HTR2A: variants seen among roughly 807,000 people sequenced by gnomAD.
HTR2A encodes 5-hydroxytryptamine receptor 2A.
Under a neutral mutation model 31.0 loss-of-function variants are expected in HTR2A, and 14 were observed. That is an observed-to-expected ratio of 0.45 (90% CI 0.30 to 0.71). The LOEUF (loss-of-function observed/expected upper bound fraction) is 0.71. Ranked by LOEUF, HTR2A falls within the 30% of genes least tolerant of loss-of-function variation. The probability of loss-of-function intolerance (pLI) is 0.09; values close to 1 mark genes in which losing one functional copy is unlikely to be tolerated. For synonymous variants in HTR2A, 209 were observed against 225.2 expected (o/e 0.93, Z 0.64); for missense variants, 442 against 573.3 (o/e 0.77, Z 2.34).
At chr13:46,896,627 G>A (rs560612528) in intron 1 of HTR2A, 47 bp downstream of exon 1, 204 of 1,389,212 alleles carry the variant, frequency 1.5e-4, no homozygotes, top group East Asian at 4.5e-4. Context: ...ATTTCAAACC[G>A]GAAAGAAAAT....
chr13:46,895,528 C>G lies in HTR2A; in HGVS notation c.379G>C (p.Val127Leu). ...AIADMLLGFLVMPVSMLTILY... is the reference protein window; with the variant it reads ...AIADMLLGFLLMPVSMLTILY... ...ATGGTTAACATGGACACGGGCATGACAAGGAAACCCAGCAGCATATCAGCT... is the reference window on the plus strand; with the variant it reads ...ATGGTTAACATGGACACGGGCATGAGAAGGAAACCCAGCAGCATATCAGCT... The change falls in exon 2 of 4, where the codon GTC (valine) becomes CTC (leucine). Residue 127 changes from valine (V) to leucine (L), a missense_variant. By Grantham distance (32) the Val-to-Leu change is conservative. This residue lies in a region of HTR2A where 86 missense variants were observed against 179.1 expected (regional missense o/e 0.48). Coordinates refer to ENST00000542664, the MANE Select transcript of HTR2A (RefSeq NM_000621.5). The surrounding 1 kb of genome is among the most constrained non-coding windows in gnomAD (Gnocchi z 4.4). 1 of 1,614,076 alleles carries G rather than the reference C, an allele frequency of 6.2e-7. No individual in the cohort carries two copies. The highest frequency in any genetic ancestry group is 8.5e-7 in the Non-Finnish European group (1 of 1,179,984).
At position 46,857,520 on chromosome 13, in the gene HTR2A, C is replaced by G. The variant is rs142894937; in HGVS notation, c.614-21881G>C. ...GAGAGCTCTGCCTTCATGATTTAAC[C>G]ACCTCTCAAAGGACTCACCTCCAAA... On this transcript the variant is annotated intron_variant, in intron 3 of 3. Coordinates refer to ENST00000542664, the MANE Select transcript of HTR2A (RefSeq NM_000621.5). 1.9e-3 allele frequency among the ~76,000 whole-genome samples: 292 copies of G among 152,228 alleles called. 1 individual carries two copies. Among genetic ancestry groups the G allele is most frequent in the African/African-American group, 6.6e-3 (275 of 41,524 alleles).
At chr13:46,876,438 C>A (rs1463123672) in intron 3 of HTR2A, among the ~76,000 whole-genome samples, 12 of 109,944 alleles carry the variant, frequency 1.1e-4, no homozygotes, top group African/African-American at 4.1e-4. Context: ...GAGACAGAGT[C>A]TTGCTCTGTC....
chr13:46,845,512 T>C (rs973092594), intron 3 of HTR2A, among the ~76,000 whole-genome samples: 19 of 152,040 alleles, frequency 1.2e-4, no homozygotes, highest in African/African-American at 4.6e-4. Context: ...TGTTCCTTCA[T>C]CCATCAATCA....
At chr13:46,835,688 T>C (rs372924456) in intron 3 of HTR2A, 49 bp from the exon 4 acceptor site, 1 of 1,385,592 alleles carries the variant, frequency 7.2e-7, no homozygotes, top group Non-Finnish European at 1.0e-6. Flanking sequence ...ATTAAGTATA[T>C]GAAGGCAAGA....
chr13:46,881,180 T>A (rs546508626), intron 3 of HTR2A, among the ~76,000 whole-genome samples: 1 of 152,330 alleles, frequency 6.6e-6, no homozygotes, highest in Admixed American at 6.5e-5. Flanking sequence ...GGCAAGGAGA[T>A]GTCCCTAAAT....
At chr13:46,879,666 A>G (rs73475757) in intron 3 of HTR2A, among the ~76,000 whole-genome samples, 11,193 of 152,252 alleles carry the variant, frequency 0.074, 508 homozygotes, top group African/African-American at 0.13. Context: ...TCTGCCTTAG[A>G]CAGTGGCAAT....
upstream of HTR2A, chr13:46,897,168 A>T (rs1951111939): frequency 4.5e-6 from 1 of 220,850 alleles, no homozygotes; most frequent in Non-Finnish European, 8.8e-6. Context: ...TTTTTGCTAC[A>T]TATTAATATT....
intron 3 of HTR2A, chr13:46,853,838 A>G (rs556772409): frequency 1.3e-5 from 2 of 152,228 alleles, no homozygotes; most frequent in African/African-American, 4.8e-5. Context: ...TCTGGGCTAC[A>G]TTTCTTTCCC....
At chr13:46,858,160 G>C (rs1593433387) in intron 3 of HTR2A, among the ~76,000 whole-genome samples, 1 of 152,136 alleles carries the variant, frequency 6.6e-6, no homozygotes, top group Non-Finnish European at 1.5e-5. Context: ...TGTGGAGCTT[G>C]AGAACTTGGA....
intron 3 of HTR2A, among the ~76,000 whole-genome samples, chr13:46,889,847 T>C (rs1951037501): frequency 6.6e-6 from 1 of 152,210 alleles, no homozygotes; most frequent in Non-Finnish European, 1.5e-5. Context: ...GGTCCTTCAT[T>C]AGATCTGCCT....
At chr13:46,838,651 C>A (rs1211217823) in intron 3 of HTR2A, among the ~76,000 whole-genome samples, 2 of 151,938 alleles carry the variant, frequency 1.3e-5, no homozygotes, top group Non-Finnish European at 2.9e-5. Context: ...AGGGTGACGC[C>A]GGGTCTTAAT....
At chr13:46,839,884 C>T (rs995561073) in intron 3 of HTR2A, among the ~76,000 whole-genome samples, 10 of 152,092 alleles carry the variant, frequency 6.6e-5, no homozygotes, top group African/African-American at 1.9e-4. Flanking sequence ...CACTTTGAAC[C>T]GCTGGCTGTG....
chr13:46,879,685 G>A (rs892347105), intron 3 of HTR2A, among the ~76,000 whole-genome samples: 1 of 152,192 alleles, frequency 6.6e-6, no homozygotes, highest in African/African-American at 2.4e-5. Flanking sequence ...ATCAAAGGCT[G>A]TAAAAAGGAC....
intron 3 of HTR2A, among the ~76,000 whole-genome samples, chr13:46,870,051 TTCTC>T: frequency 6.6e-6 from 1 of 152,292 alleles, no homozygotes; most frequent in South Asian, 2.1e-4. Context: ...AAATGGCAAA[TTCTC>T]TATTATATAT....
chr13:46,889,878 G>A (rs924458247), intron 3 of HTR2A, among the ~76,000 whole-genome samples: 8 of 152,094 alleles, frequency 5.3e-5, no homozygotes, highest in African/African-American at 1.2e-4. Context: ...TACATTTTCC[G>A]CTTGCCCCCT....
chr13:46,852,454 G>C (rs1428459550), intron 3 of HTR2A, among the ~76,000 whole-genome samples: 1 of 152,232 alleles, frequency 6.6e-6, no homozygotes, highest in East Asian at 1.9e-4. Flanking sequence ...TCCCACTGCG[G>C]TAACAGCCTT....
In HTR2A at chr13:46,846,111, A is replaced by G. The variant is rs190067462; in HGVS notation, c.614-10472T>C. ...AAAGCCACTGATACAGGAGAAAAAA[A>G]GCCATTAGTTTGCAATGAGAAAACC... On this transcript the variant is annotated intron_variant, in intron 3 of 3. Transcript: ENST00000542664. Among the ~76,000 whole-genome samples the G allele has an allele frequency of 1.6e-3, 240 of 152,288 alleles. 1 individual carries two copies. Among genetic ancestry groups the G allele is most frequent in the African/African-American group, 5.6e-3 (234 of 41,568 alleles).
chr13:46,878,817 G>A (rs1950936684), intron 3 of HTR2A, among the ~76,000 whole-genome samples: 1 of 152,126 alleles, frequency 6.6e-6, no homozygotes, highest in Non-Finnish European at 1.5e-5. Flanking sequence ...GATCAAGATA[G>A]TATCTGAGCA....
Sources: allele counts gnomAD v4.1 joint callset (sites outside exome capture counted in the v4.1 genomes callset), GRCh38; gene constraint gnomAD v4.1.1; regional missense constraint gnomAD v4.1.1; non-coding constraint Gnocchi (gnomAD v3.1); transcripts MANE v1.5; gene names NCBI Gene and HGNC (gene_info 2026-07-23, HGNC 2026-07-21).